KCNAB2: variants seen among roughly 807,000 people sequenced by gnomAD.
KCNAB2 encodes the protein potassium voltage-gated channel subfamily A regulatory beta subunit 2.
In KCNAB2, 29 loss-of-function variants were observed where a neutral mutation model predicts 63.6. The observed-to-expected ratio is 0.46, with a 90% confidence interval of 0.34 to 0.62. The LOEUF is 0.62. Ranked by LOEUF, KCNAB2 falls within the 20% of genes least tolerant of loss-of-function variation. The probability of loss-of-function intolerance (pLI) is 0.01; values close to 1 mark genes in which losing one functional copy is unlikely to be tolerated. For synonymous variants in KCNAB2, 222 were observed against 224.2 expected, an observed-to-expected ratio of 0.99 and a Z score of 0.09; for missense variants, 359 against 563.9, an observed-to-expected ratio of 0.64 and a Z score of 3.68.
chr1:6,084,539 G>A (rs914339493), intron 5 of KCNAB2, among the ~76,000 whole-genome samples: 17 of 152,300 alleles, frequency 1.1e-4, no homozygotes, highest in East Asian at 3.9e-4. Flanking sequence ...TACTTGTCCC[G>A]GCGCGGTGGC....
At chr1:6,037,616 G>A (rs1237803358) in intron 1 of KCNAB2, among the ~76,000 whole-genome samples, 4 of 152,202 alleles carry the variant, frequency 2.6e-5, no homozygotes, top group Non-Finnish European at 4.4e-5. Flanking sequence ...TCCTCCGATC[G>A]AAAGCACAGC....
chr1:6,079,344 A>C (rs1324018344), intron 4 of KCNAB2, among the ~76,000 whole-genome samples: 4 of 152,138 alleles, frequency 2.6e-5, no homozygotes, highest in African/African-American at 9.7e-5. Flanking sequence ...ACATGGTGAA[A>C]CCTCATCTCT....
At chr1:6,075,543 A>T (rs1187962718) in intron 4 of KCNAB2, among the ~76,000 whole-genome samples, 1 of 152,240 alleles carries the variant, frequency 6.6e-6, no homozygotes, top group Non-Finnish European at 1.5e-5. Context: ...AAGGAGCAAG[A>T]CAAATTTTTG....
intron 1 of KCNAB2, among the ~76,000 whole-genome samples, chr1:6,050,601 C>G (rs1293961860): frequency 6.6e-6 from 1 of 152,244 alleles, no homozygotes; most frequent in Non-Finnish European, 1.5e-5. Flanking sequence ...GTTGAGATGC[C>G]TCATTCTTGA....
Position 6,099,824 on chromosome 1 carries a change from C to T in KCNAB2, c.*1250C>T, listed in dbSNP as rs956572558. ...TGCCTGACACCTGGGACAGGCTGGGCAGAGGGGAGAGAGGGCAGGACAGGC... is the reference window on the plus strand; with the variant it reads ...TGCCTGACACCTGGGACAGGCTGGGTAGAGGGGAGAGAGGGCAGGACAGGC... On this transcript the variant is annotated 3_prime_UTR_variant, in exon 16 of 16. Transcript: ENST00000378083. 8 of 1,534,684 alleles carry T rather than the reference C, an allele frequency of 5.2e-6. No homozygotes were observed. The African/African-American group carries it at 1.1e-4, about 21-fold the overall frequency.
intron 8 of KCNAB2, among the ~76,000 whole-genome samples, chr1:6,089,728 G>T (rs1232351798): frequency 6.6e-6 from 1 of 152,160 alleles, no homozygotes; most frequent in Non-Finnish European, 1.5e-5. Flanking sequence ...ATGGAGTTTT[G>T]CTCTTGTTGC....
At chr1:6,095,147 C>T (rs1423810493) in intron 11 of KCNAB2, among the ~76,000 whole-genome samples, 176 bp from the exon 12 acceptor site, 2 of 152,258 alleles carry the variant, frequency 1.3e-5, no homozygotes, top group Non-Finnish European at 2.9e-5. Flanking sequence ...TTTCCCAGCT[C>T]ACCAGGGCCT....
intron 1 of KCNAB2, among the ~76,000 whole-genome samples, chr1:6,007,143 G>A (rs1476476643): frequency 1.3e-5 from 2 of 152,172 alleles, no homozygotes; most frequent in Non-Finnish European, 2.9e-5. Context: ...CAGGCGAGCT[G>A]GGAGCGCCAC....
chr1:6,005,647 G>T (rs1043405538), intron 1 of KCNAB2, among the ~76,000 whole-genome samples: 1 of 152,074 alleles, frequency 6.6e-6, no homozygotes, highest in South Asian at 2.1e-4. Flanking sequence ...TCCTGGCTCA[G>T]AGAGATGGGT....
At chr1:6,007,488 T>C (rs1442773905) in intron 1 of KCNAB2, 1 of 151,334 alleles carries the variant, frequency 6.6e-6, no homozygotes, top group Non-Finnish European at 1.5e-5. Flanking sequence ...AGCGGCTCCA[T>C]CCGTGGGGAG....
intron 1 of KCNAB2, chr1:6,018,611 C>G (rs1658650095): frequency 6.6e-6 from 1 of 152,214 alleles, no homozygotes; most frequent in Admixed American, 6.5e-5. Flanking sequence ...CGACGCCCAG[C>G]TAATTTTTTT....
At chr1:6,050,478 G>A (rs1280434383) in intron 1 of KCNAB2, among the ~76,000 whole-genome samples, 1 of 152,214 alleles carries the variant, frequency 6.6e-6, no homozygotes, top group Non-Finnish European at 1.5e-5. Context: ...GCCCTCACTG[G>A]TCCACTCACT....
chr1:6,081,271 A>G (rs1034796803), intron 4 of KCNAB2, among the ~76,000 whole-genome samples: 1 of 152,232 alleles, frequency 6.6e-6, no homozygotes, highest in Non-Finnish European at 1.5e-5. Flanking sequence ...CGTTGGAGAA[A>G]CACTGGACAA....
chr1:6,039,417 C>A (rs1191553225), intron 1 of KCNAB2, among the ~76,000 whole-genome samples: 1 of 152,178 alleles, frequency 6.6e-6, no homozygotes, highest in African/African-American at 2.4e-5. Flanking sequence ...GGGGGAGCCA[C>A]TGGGAGGGGA....
At position 6,051,702 on chromosome 1, in the gene KCNAB2, C is replaced by A; in HGVS notation, c.166C>A (p.His56Asn). Residue 56 changes from histidine to asparagine, a missense_variant, in exon 2 of 16, where the codon CAC (histidine) becomes AAC (asparagine). His to Asn is a moderately conservative substitution (Grantham distance 68). Around this residue, in one of 2 missense-constraint regions of KCNAB2, gnomAD observed 88 missense variants for 87.8 expected, o/e 1.00. Coordinates refer to ENST00000378083, the MANE Select transcript of KCNAB2 (RefSeq NM_001199862.2). ...ARNMESFLRMHGLSLDGCTAQ... is the reference protein window; with the variant it reads ...ARNMESFLRMNGLSLDGCTAQ... ...GAACATGGAGAGCTTCCTCCGCATG[C>A]ACGGCCTTTCCCTGGACGGCTGCAC... 1 of 1,533,804 alleles carries A rather than the reference C, an allele frequency of 6.5e-7. No individual in the cohort carries two copies. The highest frequency in any genetic ancestry group is 2.4e-5 in the East Asian group (1 of 40,926).
intron 15 of KCNAB2, 62 bp from the exon 16 acceptor site, chr1:6,098,423 C>T: frequency 6.2e-7 from 1 of 1,601,194 alleles, no homozygotes; most frequent in Non-Finnish European, 8.5e-7. Context: ...GGCCCCACCT[C>T]CTCCCCAGGC....
At chr1:6,061,587 C>T (rs559160041) in intron 2 of KCNAB2, among the ~76,000 whole-genome samples, 61 of 152,326 alleles carry the variant, frequency 4.0e-4, no homozygotes, top group African/African-American at 1.2e-3. Flanking sequence ...GCCAGTAGCA[C>T]CTCCTGCCCA....
intron 2 of KCNAB2, among the ~76,000 whole-genome samples, chr1:6,063,830 G>T (rs563338797): frequency 6.6e-6 from 1 of 152,330 alleles, no homozygotes; most frequent in South Asian, 2.1e-4. Context: ...TGTGAATAAG[G>T]CTGCTGTGGA....
rs115266046 is a variant in KCNAB2 at position 6,059,986 on chromosome 1, C to T, written c.218+8232C>T. Among the ~76,000 whole-genome samples the T allele has an allele frequency of 5.3e-3, 807 of 152,326 alleles. 4 individuals are homozygous for T. Among genetic ancestry groups the T allele is most frequent in the African/African-American group, 0.018 (766 of 41,570 alleles). ...TGGGATGTGCGCTCTGGGCAAGGCT[C>T]ACATGTCCTGTCATCGGTCCTGTGG... On this transcript the variant is annotated intron_variant, in intron 2 of 15. Transcript: ENST00000378083.
Sources: allele counts gnomAD v4.1 joint callset (sites outside exome capture counted in the v4.1 genomes callset), GRCh38; gene constraint gnomAD v4.1.1; regional missense constraint gnomAD v4.1.1; transcripts MANE v1.5; gene names NCBI Gene and HGNC (gene_info 2026-07-23, HGNC 2026-07-21).